The following DRAM1 variants were observed in gnomAD, a reference collection of about 807,000 sequenced individuals.
DRAM1 encodes the protein DNA damage-regulated autophagy modulator protein 1.
A neutral mutation model predicts 28.5 loss-of-function variants in DRAM1; 25 were observed. That is an observed-to-expected ratio of 0.88 (90% CI 0.64 to 1.23). The LOEUF is 1.23. DRAM1 is among the 50% of genes most tolerant of loss of function. The pLI, the probability that DRAM1 is intolerant of heterozygous loss-of-function variation, is 0.00. For synonymous variants in DRAM1, 113 were observed against 114.2 expected (o/e 0.99, Z 0.07); for missense variants, 249 against 299.2 (o/e 0.83, Z 1.24).
intron 4 of DRAM1, among the ~76,000 whole-genome samples, chr12:101,912,959 C>T (rs1349440610): frequency 6.6e-6 from 1 of 152,056 alleles, no homozygotes; most frequent in Non-Finnish European, 1.5e-5. Context: ...AACTCCTGAC[C>T]TCAGGTGATT....
intron 1 of DRAM1, among the ~76,000 whole-genome samples, chr12:101,885,787 A>G (rs950632876): frequency 2.0e-5 from 3 of 151,922 alleles, no homozygotes; most frequent in African/African-American, 7.2e-5. Context: ...CTCGGCCTCA[A>G]AAAGTGCTGG....
chr12:101,883,225 G>A (rs1872749734), intron 1 of DRAM1, among the ~76,000 whole-genome samples: 1 of 150,902 alleles, frequency 6.6e-6, no homozygotes, highest in African/African-American at 2.4e-5. Context: ...ATGGAGGGAG[G>A]AGTAGGTCAA....
At chr12:101,909,210 G>A (rs942546390) in intron 4 of DRAM1, among the ~76,000 whole-genome samples, 1 of 148,554 alleles carries the variant, frequency 6.7e-6, no homozygotes, top group East Asian at 2.0e-4. Flanking sequence ...GCAGTGAGCC[G>A]AGATCACACC....
intron 1 of DRAM1, among the ~76,000 whole-genome samples, chr12:101,893,232 G>A (rs1266667094): frequency 6.6e-6 from 1 of 152,224 alleles, no homozygotes; most frequent in Non-Finnish European, 1.5e-5. Context: ...GAGCTAGCTG[G>A]TGTCTGCTCC....
At chr12:101,898,298 A>G (rs962934970) in intron 2 of DRAM1, among the ~76,000 whole-genome samples, 1 of 152,218 alleles carries the variant, frequency 6.6e-6, no homozygotes, top group Non-Finnish European at 1.5e-5. Flanking sequence ...CTGAACTTAT[A>G]GGTGTGAGCC....
At chr12:101,902,815 T>A (rs966502790) in intron 3 of DRAM1, among the ~76,000 whole-genome samples, 1 of 152,222 alleles carries the variant, frequency 6.6e-6, no homozygotes, top group African/African-American at 2.4e-5. Flanking sequence ...CTTCCTTGTT[T>A]GGTATCCTGT....
chr12:101,904,925 C>A (rs113326892), intron 3 of DRAM1, among the ~76,000 whole-genome samples: 95 of 152,226 alleles, frequency 6.2e-4, no homozygotes, highest in African/African-American at 2.1e-3. Flanking sequence ...GAAAGGGTCT[C>A]GCTCCTTCAC....
At chr12:101,900,008 G>A (rs1162676485) in intron 2 of DRAM1, among the ~76,000 whole-genome samples, 1 of 152,148 alleles carries the variant, frequency 6.6e-6, no homozygotes, top group Non-Finnish European at 1.5e-5. Context: ...AATTATGGTA[G>A]CTATTTATTT....
At position 101,895,186 on chromosome 12, in the gene DRAM1, G is replaced by GTTTTTTTTTTTTTTGTTTTTTT. The variant is rs1873301395; in HGVS notation, c.132-2663_132-2662insGTTTTTTTTTTTTTTTTTTTTT. Among the ~76,000 whole-genome samples, 59 of 75,714 alleles carry GTTTTTTTTTTTTTTGTTTTTTT rather than the reference G, an allele frequency of 7.8e-4. 1 individual carries two copies. Among genetic ancestry groups the GTTTTTTTTTTTTTTGTTTTTTT allele is most frequent in the South Asian group, 1.6e-3 (3 of 1,834 alleles). 49.7% of individuals were successfully genotyped at this position (75,714 alleles called of 152,430 possible). A position where few individuals can be genotyped will look rare whatever the true frequency, so the allele number is the denominator to read the frequency against. ...TAATGCTAAATTCGAAACCCTTCAGGTTTTTTTTTTTTTTTTTTTTTTTTT... is the reference window on the plus strand; with the variant it reads ...TAATGCTAAATTCGAAACCCTTCAGGTTTTTTTTTTTTTTGTTTTTTTTTTTTTTTTTTTTTTTTTTTTTTTT... On this transcript the variant is annotated intron_variant, in intron 1 of 6. Transcript: ENST00000258534.
chr12:101,920,038 C>A, intron 5 of DRAM1, 71 bp from the exon 6 acceptor site: 3 of 1,100,188 alleles, frequency 2.7e-6, no homozygotes, highest in South Asian at 1.7e-5. Flanking sequence ...TGAAACTCCT[C>A]ATTGTATTTC....
rs1873596066 is a variant in DRAM1, at chr12:101,901,345, G to C, written c.254G>C (p.Cys85Ser). 6.2e-7 allele frequency: 1 copy of C among 1,614,102 alleles called. No homozygotes were observed. The highest frequency in any genetic ancestry group is 8.5e-7 in the Non-Finnish European group (1 of 1,180,012). ...ATAGTACAGAAGCAAAATCAAACCTGCTATTTCAGCACTCCTGTTTTTAAC... is the reference window on the plus strand; with the variant it reads ...ATAGTACAGAAGCAAAATCAAACCTCCTATTTCAGCACTCCTGTTTTTAAC... ...YKIVQKQNQTCYFSTPVFNLV... is the reference protein window; with the variant it reads ...YKIVQKQNQTSYFSTPVFNLV... The change falls in exon 3 of 7, where the codon TGC becomes TCC. Residue 85 changes from cysteine (C) to serine (S), a missense_variant. By Grantham distance (112) the Cys-to-Ser change is moderately radical. Transcript: ENST00000258534.
chr12:101,879,991 GA>G (rs558852561), intron 1 of DRAM1, among the ~76,000 whole-genome samples: 149 of 133,962 alleles, frequency 1.1e-3, no homozygotes, highest in South Asian at 5.6e-3. Flanking sequence ...CTCCATCTCA[GA>G]AAAAAAAAAA....
At chr12:101,914,115 T>C (rs1169956062) in intron 4 of DRAM1, 59 bp from the exon 5 acceptor site, 7 of 1,134,120 alleles carry the variant, frequency 6.2e-6, no homozygotes, top group Admixed American at 2.3e-5. Context: ...AATAATGTAG[T>C]CTTAACATTA....
At chr12:101,906,744 A>G (rs1173216879) in intron 3 of DRAM1, among the ~76,000 whole-genome samples, 1 of 150,790 alleles carries the variant, frequency 6.6e-6, no homozygotes, top group East Asian at 1.9e-4. Context: ...AATCCCAACT[A>G]CTCGGGAGGC....
intron 5 of DRAM1, among the ~76,000 whole-genome samples, chr12:101,914,947 C>T (rs11111080): frequency 0.19 from 28,508 of 150,858 alleles, 2,979 homozygotes; most frequent in East Asian, 0.35. Flanking sequence ...CGTGACCCAC[C>T]GCACCCGTCC....
intron 3 of DRAM1, among the ~76,000 whole-genome samples, chr12:101,904,506 A>G (rs148655452): frequency 0.019 from 2,485 of 130,428 alleles, 126 homozygotes; most frequent in African/African-American, 0.071. Context: ...CAGTGGCGCA[A>G]TCTCGGCTCA....
chr12:101,908,201 G>A lies in DRAM1; in HGVS notation c.358G>A (p.Val120Met). ...VANFQELAVP[V>M]VHDGGALLAF... ...TTTTCTCCAGGAGTTAGCTGTGCCA[G>A]TGGTTCATGACGGGGGCGCTCTTTT... Residue 120 changes from valine (V) to methionine (M), a missense_variant, in exon 4 of 7, where the codon GTG becomes ATG. Val to Met is a conservative substitution (Grantham distance 21, BLOSUM62 1). Transcript: ENST00000258534. The A allele has an allele frequency of 6.2e-7, 1 of 1,609,586 alleles. No individual in the cohort carries two copies. Among genetic ancestry groups the A allele is most frequent in the African/African-American group, 1.3e-5 (1 of 74,784 alleles).
rs921710457 is a variant in DRAM1 at position 101,922,136 on chromosome 12, A to G, written c.*876A>G. 2.0e-5 allele frequency: 3 copies of G among 152,298 alleles called. No homozygotes were observed. The highest frequency in any genetic ancestry group is 2.1e-4 in the South Asian group (1 of 4,834). The allele number at this position is 152,298 out of a possible 1,614,324, so 9.4% of individuals were successfully genotyped here. On this transcript the variant is annotated 3_prime_UTR_variant, in exon 7 of 7. Coordinates refer to ENST00000258534, the MANE Select transcript of DRAM1 (RefSeq NM_018370.3). ...AAGAGAAGAAAGGCCCAAGAGCGAG[A>G]CAAGAAGAATGGAGAAGGGGGCAGC...
rs1024593383 is a variant in DRAM1, at chr12:101,922,234, A to G, written c.*974A>G. 4 of 152,244 alleles carry G rather than the reference A, an allele frequency of 2.6e-5. No homozygotes were observed. Among genetic ancestry groups the G allele is most frequent in the African/African-American group, 9.6e-5 (4 of 41,454 alleles). 9.4% of individuals were successfully genotyped at this position (152,244 alleles called of 1,614,324 possible). A position where few individuals can be genotyped will look rare whatever the true frequency, so the allele number is the denominator to read the frequency against. ...TCATGCCTGTGGCTGGATGTCCCAC[A>G]ACACTATAAGAAATATAAGTCAAGC... On this transcript the variant is annotated 3_prime_UTR_variant, in exon 7 of 7. Coordinates refer to ENST00000258534, the MANE Select transcript of DRAM1 (RefSeq NM_018370.3).
Sources: allele counts gnomAD v4.1 joint callset (sites outside exome capture counted in the v4.1 genomes callset), GRCh38; gene constraint gnomAD v4.1.1; transcripts MANE v1.5; gene names NCBI Gene and HGNC (gene_info 2026-07-23, HGNC 2026-07-21).